Variants in TRAPPC9 observed in about 807,000 individuals in gnomAD.
TRAPPC9 encodes IKK2 binding protein.
TRAPPC9 carries 83 observed loss-of-function variants against 124.0 expected under a neutral mutation model. The ratio of observed to expected loss-of-function variants is 0.67; its 90% confidence interval spans 0.56 to 0.80. The LOEUF is 0.80. TRAPPC9 is among the 30% of genes least tolerant of loss of function. The pLI is 0.00. For synonymous variants in TRAPPC9, 638 were observed against 617.5 expected, an observed-to-expected ratio of 1.03 and a Z score of -0.49; for missense variants, 1,302 against 1,508.3, an observed-to-expected ratio of 0.86 and a Z score of 2.27.
chr8:139,920,550 C>A (rs77093124), intron 19 of TRAPPC9, among the ~76,000 whole-genome samples: 1 of 152,196 alleles, frequency 6.6e-6, no homozygotes, highest in Middle Eastern at 3.2e-3. Context: ...GAGTGACCTA[C>A]GTGGGCCCAG....
chr8:140,158,796 G>C (rs1344317346), intron 17 of TRAPPC9, among the ~76,000 whole-genome samples: 1 of 152,100 alleles, frequency 6.6e-6, no homozygotes, highest in Non-Finnish European at 1.5e-5. Context: ...ATTGTCTTGA[G>C]CATCTACTAT....
At chr8:140,296,036 G>A (rs1289875132) in intron 11 of TRAPPC9, among the ~76,000 whole-genome samples, 4 of 152,154 alleles carry the variant, frequency 2.6e-5, no homozygotes, top group Non-Finnish European at 4.4e-5. Flanking sequence ...CCTGGGCATC[G>A]AGTCCTGCAA....
chr8:140,056,201 G>A (rs1488250178), intron 17 of TRAPPC9, among the ~76,000 whole-genome samples: 1 of 151,928 alleles, frequency 6.6e-6, no homozygotes, highest in Non-Finnish European at 1.5e-5. Flanking sequence ...TTGAGCCCAG[G>A]AGTTTGAGAC....
At chr8:140,284,205 G>A (rs1366303637) in intron 13 of TRAPPC9, among the ~76,000 whole-genome samples, 184 bp from the exon 14 acceptor site, 2 of 152,214 alleles carry the variant, frequency 1.3e-5, no homozygotes, top group Admixed American at 6.5e-5. Flanking sequence ...GTCCTCGTAC[G>A]TGATGGGGAG....
At chr8:140,090,811 C>T (rs1209654217) in intron 17 of TRAPPC9, among the ~76,000 whole-genome samples, 1 of 152,194 alleles carries the variant, frequency 6.6e-6, no homozygotes, top group Non-Finnish European at 1.5e-5. Context: ...GCCTGGCTTC[C>T]CATGCAGCTG....
chr8:140,413,830 G>C (rs963442128), intron 5 of TRAPPC9, among the ~76,000 whole-genome samples: 1 of 151,668 alleles, frequency 6.6e-6, no homozygotes, highest in Non-Finnish European at 1.5e-5. Context: ...TCCCTACAAA[G>C]GACATGAACT....
intron 21 of TRAPPC9, among the ~76,000 whole-genome samples, chr8:139,865,295 C>G (rs1828449112): frequency 6.6e-6 from 1 of 152,248 alleles, no homozygotes; most frequent in African/African-American, 2.4e-5. Flanking sequence ...GACAGACTTT[C>G]TCCTCAACAC....
chr8:140,318,946 G>T (rs916245616), intron 9 of TRAPPC9, among the ~76,000 whole-genome samples: 1 of 152,114 alleles, frequency 6.6e-6, no homozygotes, highest in South Asian at 2.1e-4. Flanking sequence ...GGAATAAAAG[G>T]ACACAAGGCC....
intron 18 of TRAPPC9, among the ~76,000 whole-genome samples, chr8:140,010,925 A>G (rs1269621493): frequency 6.6e-6 from 1 of 152,238 alleles, no homozygotes. Flanking sequence ...TCTATCGGAC[A>G]GAAGGGCACA....
intron 11 of TRAPPC9, among the ~76,000 whole-genome samples, chr8:140,299,732 C>A (rs1293292313): frequency 6.6e-6 from 1 of 152,196 alleles, no homozygotes; most frequent in Non-Finnish European, 1.5e-5. Context: ...GGGAAGGACA[C>A]CAAGGGACAG....
At chr8:140,192,285 T>C (rs1167331897) in intron 17 of TRAPPC9, among the ~76,000 whole-genome samples, 3 of 152,222 alleles carry the variant, frequency 2.0e-5, no homozygotes, top group Non-Finnish European at 2.9e-5. Flanking sequence ...GTGGCACACG[T>C]GTATTTCACT....
At chr8:139,753,599 C>G (rs1235866569) in intron 21 of TRAPPC9, among the ~76,000 whole-genome samples, 1 of 152,218 alleles carries the variant, frequency 6.6e-6, no homozygotes, top group Non-Finnish European at 1.5e-5. Flanking sequence ...TTGCTGCAAG[C>G]CTTCTGTACT....
At chr8:139,817,714 T>C (rs1413370967) in intron 21 of TRAPPC9, among the ~76,000 whole-genome samples, 1 of 152,230 alleles carries the variant, frequency 6.6e-6, no homozygotes, top group African/African-American at 2.4e-5. Flanking sequence ...GTCCTAATGA[T>C]TTCTGCTTCC....
intron 16 of TRAPPC9, among the ~76,000 whole-genome samples, chr8:140,226,073 G>A (rs752706313): frequency 3.3e-5 from 5 of 152,114 alleles, no homozygotes; most frequent in South Asian, 4.1e-4. Flanking sequence ...AGCATTTCTC[G>A]TTTCTTTGGG....
intron 9 of TRAPPC9, among the ~76,000 whole-genome samples, chr8:140,327,299 C>T (rs1413237381): frequency 6.6e-6 from 1 of 152,140 alleles, no homozygotes; most frequent in Non-Finnish European, 1.5e-5. Context: ...CCCTCATGCA[C>T]TGCTGGAAGG....
At chr8:139,971,752 C>CACACACACACACAT (rs1554419402) in intron 19 of TRAPPC9, among the ~76,000 whole-genome samples, 68,023 of 146,804 alleles carry the variant, frequency 0.46, 16,402 homozygotes, top group East Asian at 0.67. Flanking sequence ...TATATATACA[C>CACACACACACACAT]ACACACACAC....
chr8:140,100,801 C>A (rs1344468091), intron 17 of TRAPPC9, among the ~76,000 whole-genome samples: 1 of 152,058 alleles, frequency 6.6e-6, no homozygotes, highest in African/African-American at 2.4e-5. Context: ...AGGATGACTC[C>A]GTGTCCTAGA....
At chr8:140,332,124 G>A (rs187597107) in intron 9 of TRAPPC9, among the ~76,000 whole-genome samples, 3 of 152,212 alleles carry the variant, frequency 2.0e-5, no homozygotes, top group Non-Finnish European at 2.9e-5. Flanking sequence ...TATATACACC[G>A]TGGAATGTGA....
intron 17 of TRAPPC9, among the ~76,000 whole-genome samples, chr8:140,153,687 A>G (rs1043317175): frequency 1.3e-5 from 2 of 152,218 alleles, no homozygotes; most frequent in African/African-American, 4.8e-5. Context: ...CATCAAATCA[A>G]TCCTTCACTT....
Sources: allele counts gnomAD v4.1 joint callset (sites outside exome capture counted in the v4.1 genomes callset), GRCh38; gene constraint gnomAD v4.1.1; transcripts MANE v1.5; gene names NCBI Gene and HGNC (gene_info 2026-07-23, HGNC 2026-07-21).